DCDC1: variants seen among roughly 807,000 people sequenced by gnomAD.
DCDC1 encodes the protein doublecortin domain containing 1.
DCDC1 carries 200 observed loss-of-function variants against 178.3 expected under a neutral mutation model. The observed-to-expected ratio is 1.12, with a 90% CI of 1.00 to 1.26. The LOEUF (loss-of-function observed/expected upper bound fraction) is 1.26. Ranked by LOEUF, DCDC1 falls within the 50% of genes most tolerant of loss-of-function variation. The probability of loss-of-function intolerance (pLI) is 0.00; values close to 1 mark genes in which losing one functional copy is unlikely to be tolerated. For synonymous variants in DCDC1, 690 were observed against 604.8 expected, an observed-to-expected ratio of 1.14 and a Z score of -2.07; for missense variants, 1,983 against 1,749.2, an observed-to-expected ratio of 1.13 and a Z score of -2.38.
intron 20 of DCDC1, among the ~76,000 whole-genome samples, chr11:31,007,733 G>A (rs1951934761): frequency 6.6e-6 from 1 of 150,624 alleles, no homozygotes; most frequent in Non-Finnish European, 1.5e-5. Context: ...GTGTGATCTC[G>A]GCTCACTGCA....
At chr11:31,307,489 C>T (rs1464936272) in intron 4 of DCDC1, 150 bp downstream of exon 4, 22 of 982,258 alleles carry the variant, frequency 2.2e-5, no homozygotes, top group Non-Finnish European at 3.2e-5. Flanking sequence ...TACTCTGGTG[C>T]TTTCAAAGAA....
At chr11:30,908,184 G>C (rs1219005322) in intron 29 of DCDC1, among the ~76,000 whole-genome samples, 2 of 152,058 alleles carry the variant, frequency 1.3e-5, no homozygotes, top group Admixed American at 6.6e-5. Context: ...GTGATAAATA[G>C]GAAACATGTG....
At chr11:31,000,192 T>G (rs1951494131) in intron 20 of DCDC1, among the ~76,000 whole-genome samples, 1 of 152,190 alleles carries the variant, frequency 6.6e-6, no homozygotes, top group Non-Finnish European at 1.5e-5. Context: ...AACTTTTAGG[T>G]TAAATTATAA....
chr11:30,996,606 C>A (rs148943467), intron 20 of DCDC1, among the ~76,000 whole-genome samples: 3 of 152,210 alleles, frequency 2.0e-5, no homozygotes, highest in East Asian at 3.9e-4. Flanking sequence ...TTCTGCCTTG[C>A]GGGGACACAA....
chr11:31,122,762 A>C (rs532937447), intron 11 of DCDC1, among the ~76,000 whole-genome samples: 1 of 152,282 alleles, frequency 6.6e-6, no homozygotes, highest in East Asian at 1.9e-4. Context: ...CTTGTTAATC[A>C]ATGACATGGG....
intron 7 of DCDC1, chr11:31,280,735 G>A (rs753125719): frequency 3.8e-5 from 22 of 585,558 alleles, no homozygotes; most frequent in African/African-American, 1.9e-4. Flanking sequence ...TCTTAATGCC[G>A]GCAAAGATCA....
chr11:31,174,610 T>C (rs1366366841), intron 9 of DCDC1, among the ~76,000 whole-genome samples: 1 of 152,188 alleles, frequency 6.6e-6, no homozygotes, highest in Non-Finnish European at 1.5e-5. Context: ...GCCAGGCCCA[T>C]GGACTGGAGT....
At position 30,888,082 on chromosome 11, in the gene DCDC1, G is replaced by GAAAGAA. The variant is rs35914489; in HGVS notation, c.5082+4735_5082+4736insTTCTTT. On this transcript the variant is annotated intron_variant, in intron 36 of 38. Coordinates refer to ENST00000684477, the MANE Select transcript of DCDC1 (RefSeq NM_001387274.1). Reference sequence around the variant, plus strand: ...AGAAAGAGAGAGAGAGAGAGAGAGAGAGAAAGAAAGAAAGAAAAAGAAAGA... The same window carrying GAAAGAA: ...AGAAAGAGAGAGAGAGAGAGAGAGAGAAAGAAAGAAAGAAAGAAAGAAAAAGAAAGA... Among the ~76,000 whole-genome samples, 768 of 96,188 alleles carry GAAAGAA rather than the reference G, an allele frequency of 8.0e-3. 24 individuals carry two copies. The highest frequency in any genetic ancestry group is 0.029 in the Admixed American group (245 of 8,552). The allele number at this position is 96,188 out of a possible 152,430, so 63.1% of individuals were successfully genotyped here.
chr11:31,354,882 A>G (rs1951252955), intron 1 of DCDC1, among the ~76,000 whole-genome samples: 1 of 152,134 alleles, frequency 6.6e-6, no homozygotes, highest in African/African-American at 2.4e-5. Context: ...CAAGTCTCTG[A>G]GAGCTGTGAA....
intron 8 of DCDC1, among the ~76,000 whole-genome samples, chr11:31,252,112 T>G (rs1038804820): frequency 1.3e-5 from 2 of 152,180 alleles, no homozygotes; most frequent in African/African-American, 4.8e-5. Flanking sequence ...CTCCACTAAA[T>G]AAACAACCAT....
At chr11:30,933,242 CTTG>C (rs1157397890) in intron 21 of DCDC1, among the ~76,000 whole-genome samples, 1 of 151,238 alleles carries the variant, frequency 6.6e-6, no homozygotes, top group East Asian at 1.9e-4. Flanking sequence ...GGAATTGGCT[CTTG>C]TTGGCCCTTT....
intron 6 of DCDC1, among the ~76,000 whole-genome samples, chr11:31,297,721 A>T (rs1947799374): frequency 6.6e-6 from 1 of 152,152 alleles, no homozygotes; most frequent in African/African-American, 2.4e-5. Flanking sequence ...AAAATTCAAA[A>T]ATTTTCAACT....
chr11:30,903,414 A>T lies in DCDC1; in HGVS notation c.4510+68T>A, dbSNP rs992979250. 4 of 1,320,876 alleles carry T rather than the reference A, an allele frequency of 3.0e-6. No individual in the cohort carries two copies. The African/African-American group carries it at 6.0e-5, about 20-fold the overall frequency. The allele number at this position is 1,320,876 out of a possible 1,614,324, so 81.8% of individuals were successfully genotyped here. On this transcript the variant is annotated intron_variant, in intron 32 of 38. Coordinates refer to ENST00000684477, the MANE Select transcript of DCDC1 (RefSeq NM_001387274.1). ...TCTGAAAAAACTGACTAAATGAAAT[A>T]ATCATGTTTAACGTTTTCATGATCA...
chr11:31,212,756 A>T (rs1972729832), intron 9 of DCDC1, among the ~76,000 whole-genome samples: 1 of 152,224 alleles, frequency 6.6e-6, no homozygotes, highest in Non-Finnish European at 1.5e-5. Flanking sequence ...GGAAAAAATA[A>T]ATCTGTATTT....
chr11:31,127,225 T>C (rs1308819673), intron 11 of DCDC1, among the ~76,000 whole-genome samples: 1 of 152,192 alleles, frequency 6.6e-6, no homozygotes, highest in African/African-American at 2.4e-5. Flanking sequence ...ATTCCTTCAT[T>C]ACAATTACTT....
chr11:31,249,887 C>G (rs2136967762), intron 8 of DCDC1, among the ~76,000 whole-genome samples: 1 of 152,204 alleles, frequency 6.6e-6, no homozygotes, highest in South Asian at 2.1e-4. Context: ...GATTATAAAA[C>G]AGTTTGTGAA....
rs571266788 is a variant in DCDC1 at position 30,967,576 on chromosome 11, G to T, written c.2592-15008C>A. On this transcript the variant is annotated intron_variant, in intron 20 of 38. Transcript: ENST00000684477. ...AGACACTTCAAGGTAAAGGCTCCTG[G>T]GGCCTGGGATCTGGCCAGGGGACCC... 3.3e-5 allele frequency among the ~76,000 whole-genome samples: 5 copies of T among 152,268 alleles called. No individual in the cohort carries two copies. In the South Asian group the frequency reaches 6.2e-4, roughly 19 times the overall value.
rs1946317431 is a variant in DCDC1, at chr11:30,922,555, T to C, written c.3081A>G (p.Leu1027=). 2 of 1,585,202 alleles carry C rather than the reference T, an allele frequency of 1.3e-6. No homozygotes were observed. Among genetic ancestry groups the C allele is most frequent in the Non-Finnish European group, 1.7e-6 (2 of 1,170,090 alleles). The change falls in exon 24 of 39, where the codon CTA becomes CTG. Residue 1027 remains leucine, a synonymous_variant. Coordinates refer to ENST00000684477, the MANE Select transcript of DCDC1 (RefSeq NM_001387274.1). ...QQKKQIFLRN[L]ESDIAKIQIF... ...TTTGAATTTTGGCAATGTCTGATTC[T>C]AGGTTCCTCAGGAATATTTGTTTCT...
intron 20 of DCDC1, among the ~76,000 whole-genome samples, chr11:31,015,672 C>T (rs942114708): frequency 2.0e-5 from 3 of 152,100 alleles, no homozygotes; most frequent in East Asian, 1.9e-4. Flanking sequence ...ATGAATGCGG[C>T]GGTTTGGATA....
Sources: allele counts gnomAD v4.1 joint callset (sites outside exome capture counted in the v4.1 genomes callset), GRCh38; gene constraint gnomAD v4.1.1; transcripts MANE v1.5; gene names NCBI Gene and HGNC (gene_info 2026-07-23, HGNC 2026-07-21).